Variants in CARMIL1 observed in about 807,000 individuals in gnomAD.
CARMIL1 encodes capping protein regulator and myosin 1 linker 1, also known as F-actin-uncapping protein LRRC16A.
In CARMIL1, 90 loss-of-function variants were observed where a neutral mutation model predicts 177.1. The observed-to-expected ratio is 0.51, with a 90% CI of 0.43 to 0.61. The LOEUF (loss-of-function observed/expected upper bound fraction) is 0.61. Ranked by LOEUF, CARMIL1 falls within the 20% of genes least tolerant of loss-of-function variation. The probability of loss-of-function intolerance (pLI) is 0.00; values close to 1 mark genes in which losing one functional copy is unlikely to be tolerated. For missense variants in CARMIL1, 1,380 were observed against 1,667.0 expected (o/e 0.83, Z 3.00); for synonymous variants, 577 against 606.2 (o/e 0.95, Z 0.71).
At chr6:25,538,011 G>A (rs1288812794) in intron 25 of CARMIL1, 28 bp downstream of exon 25, 2 of 1,570,574 alleles carry the variant, frequency 1.3e-6, no homozygotes, top group Non-Finnish European at 1.7e-6. Context: ...CTGTGTGAGA[G>A]TCTGGTATAA....
chr6:25,298,918 C>T (rs532944739), intron 2 of CARMIL1, among the ~76,000 whole-genome samples: 29 of 152,112 alleles, frequency 1.9e-4, no homozygotes, highest in South Asian at 1.5e-3. Flanking sequence ...CCATGCCCAG[C>T]TTATTTTGTA....
intron 32 of CARMIL1, among the ~76,000 whole-genome samples, chr6:25,596,182 A>AT (rs67939640): frequency 3.3e-5 from 5 of 151,944 alleles, no homozygotes; most frequent in African/African-American, 7.2e-5. Context: ...TATAAAATAT[A>AT]TTTTTTTTAT....
At chr6:25,521,448 A>G (rs1042149467) in intron 23 of CARMIL1, among the ~76,000 whole-genome samples, 2 of 152,218 alleles carry the variant, frequency 1.3e-5, no homozygotes, top group Non-Finnish European at 2.9e-5. Flanking sequence ...CCTGGCTGAA[A>G]CTGGTTTAAG....
intron 24 of CARMIL1, among the ~76,000 whole-genome samples, chr6:25,529,456 A>T (rs182964688): frequency 4.6e-5 from 7 of 152,342 alleles, no homozygotes; most frequent in Admixed American, 4.6e-4. Context: ...AAAATGTGAA[A>T]TATTTCTTTT....
chr6:25,552,162 C>T (rs1184052274), intron 27 of CARMIL1, among the ~76,000 whole-genome samples: 1 of 152,114 alleles, frequency 6.6e-6, no homozygotes, highest in East Asian at 1.9e-4. Context: ...GTTTATAGGA[C>T]CCCATAGATT....
chr6:25,415,622 T>C (rs1795292020), intron 2 of CARMIL1, among the ~76,000 whole-genome samples: 1 of 152,174 alleles, frequency 6.6e-6, no homozygotes, highest in Non-Finnish European at 1.5e-5. Flanking sequence ...TTTTAAGACT[T>C]ATTAATTAGA....
chr6:25,329,768 TG>T lies in CARMIL1; in HGVS notation c.138+44860del, dbSNP rs111384075. Among the ~76,000 whole-genome samples the T allele has an allele frequency of 7.8e-3, 1,188 of 152,310 alleles. 18 individuals carry two copies. Among genetic ancestry groups the T allele is most frequent in the African/African-American group, 0.026 (1,096 of 41,562 alleles). Reference sequence around the variant, plus strand: ...ATACTCAAAGTATCTCAGCTCTTGTTGTATGTGTGTTTTGAAAGATAGGGTT... The same window carrying T: ...ATACTCAAAGTATCTCAGCTCTTGTTTATGTGTGTTTTGAAAGATAGGGTT... On this transcript the variant is annotated intron_variant, in intron 2 of 36. Coordinates refer to ENST00000329474, the MANE Select transcript of CARMIL1 (RefSeq NM_017640.6).
intron 2 of CARMIL1, among the ~76,000 whole-genome samples, chr6:25,343,746 G>C (rs1414172173): frequency 6.6e-6 from 1 of 151,992 alleles, no homozygotes; most frequent in Non-Finnish European, 1.5e-5. Flanking sequence ...TCCTCACCTT[G>C]TCTGGGAGCA....
intron 2 of CARMIL1, among the ~76,000 whole-genome samples, chr6:25,419,611 T>C (rs1795655188): frequency 6.6e-6 from 1 of 151,874 alleles, no homozygotes; most frequent in Non-Finnish European, 1.5e-5. Context: ...TTAGGGATGA[T>C]TTTTTGGAAG....
At chr6:25,601,669 T>G (rs1466043230) in intron 33 of CARMIL1, among the ~76,000 whole-genome samples, 1 of 152,254 alleles carries the variant, frequency 6.6e-6, no homozygotes, top group Non-Finnish European at 1.5e-5. Flanking sequence ...ATTTGACCAT[T>G]GATATATATC....
At chr6:25,399,601 T>C (rs758226209) in intron 2 of CARMIL1, among the ~76,000 whole-genome samples, 2 of 152,192 alleles carry the variant, frequency 1.3e-5, no homozygotes, top group Non-Finnish European at 2.9e-5. Flanking sequence ...AATATAAGTT[T>C]TGTTTAACTT....
chr6:25,333,345 T>G (rs1009265133), intron 2 of CARMIL1, among the ~76,000 whole-genome samples: 2 of 152,270 alleles, frequency 1.3e-5, no homozygotes, highest in East Asian at 3.9e-4. Context: ...GGTGGATTGC[T>G]TGACCCCAGG....
chr6:25,590,826 A>C (rs1481674421), intron 31 of CARMIL1, among the ~76,000 whole-genome samples: 3 of 152,048 alleles, frequency 2.0e-5, no homozygotes, highest in African/African-American at 7.2e-5. Flanking sequence ...TTATATAGCT[A>C]TGTCCCCTTT....
intron 29 of CARMIL1, among the ~76,000 whole-genome samples, chr6:25,573,930 C>G (rs534702751): frequency 6.4e-4 from 98 of 152,220 alleles, no homozygotes; most frequent in African/African-American, 2.3e-3. Flanking sequence ...AACAATAGTT[C>G]CTGAACATCA....
intron 36 of CARMIL1, among the ~76,000 whole-genome samples, chr6:25,614,607 T>C (rs549999362): frequency 5.3e-5 from 8 of 152,364 alleles, no homozygotes; most frequent in African/African-American, 1.7e-4. Flanking sequence ...TAAGGTTGCA[T>C]AGACGTTTCT....
chr6:25,491,403 T>C (rs1489670848), intron 13 of CARMIL1, among the ~76,000 whole-genome samples: 1 of 152,192 alleles, frequency 6.6e-6, no homozygotes, highest in African/African-American at 2.4e-5. Context: ...GGTATTTTAA[T>C]CTCAGGGGTT....
At chr6:25,285,285 C>A (rs568033896) in intron 2 of CARMIL1, among the ~76,000 whole-genome samples, 1 of 152,214 alleles carries the variant, frequency 6.6e-6, no homozygotes, top group African/African-American at 2.4e-5. Context: ...TTAAAAAGTT[C>A]ATCTCATGTT....
chr6:25,316,514 C>T (rs892466597), intron 2 of CARMIL1, among the ~76,000 whole-genome samples: 8 of 151,652 alleles, frequency 5.3e-5, no homozygotes, highest in African/African-American at 1.7e-4. Flanking sequence ...CGGGTTCAAG[C>T]GATTCTCCTG....
At chr6:25,346,218 C>T (rs1787500113) in intron 2 of CARMIL1, among the ~76,000 whole-genome samples, 1 of 152,270 alleles carries the variant, frequency 6.6e-6, no homozygotes, top group South Asian at 2.1e-4. Context: ...CCCTAGCCCT[C>T]CATTACCCTC....
Sources: gnomAD v4.1 joint callset for allele counts (sites outside exome capture counted in the v4.1 genomes callset) on GRCh38, gnomAD v4.1.1 for gene constraint, MANE v1.5 for transcripts, NCBI Gene and HGNC (gene_info 2026-07-23, HGNC 2026-07-21) for gene names.